Variants in B4GALT6 observed in about 807,000 individuals in gnomAD.
B4GALT6 encodes the protein UDP-Gal:beta-GlcNAc beta-1,4-galactosyltransferase 6.
B4GALT6 carries 14 observed loss-of-function variants against 46.3 expected under a neutral mutation model. The observed-to-expected ratio is 0.30, with a 90% confidence interval of 0.20 to 0.47. The LOEUF is 0.47. Ranked by LOEUF, B4GALT6 falls within the 20% of genes least tolerant of loss-of-function variation. The probability of loss-of-function intolerance (pLI) is 0.99; values close to 1 mark genes in which losing one functional copy is unlikely to be tolerated. For missense variants in B4GALT6, 386 were observed against 480.1 expected, an observed-to-expected ratio of 0.80 and a Z score of 1.83; for synonymous variants, 168 against 162.0, an observed-to-expected ratio of 1.04 and a Z score of -0.28.
the B4GALT6 span, among the ~76,000 whole-genome samples, chr18:31,711,628 C>A: frequency 6.6e-6 from 1 of 152,172 alleles, no homozygotes; most frequent in East Asian, 1.9e-4. Context: ...ATTTCATCAT[C>A]AAGTTTAGTT....
chr18:31,624,425 CAAAAT>C lies in B4GALT6; in HGVS notation c.*1184_*1188del, dbSNP rs559130122. 93 of 151,720 alleles carry C rather than the reference CAAAAT, an allele frequency of 6.1e-4. 1 individual carries two copies. Among genetic ancestry groups the C allele is most frequent in the African/African-American group, 2.1e-3 (86 of 41,428 alleles). The allele number at this position is 151,720 out of a possible 1,614,324, so 9.4% of individuals were successfully genotyped here. Reference sequence around the variant, plus strand: ...TATAATCTCTTAAAAGTGAAAAAAACAAAATATAGTTTGAATGAAACTAACATTCA... The same window carrying C: ...TATAATCTCTTAAAAGTGAAAAAAACATAGTTTGAATGAAACTAACATTCA... On this transcript the variant is annotated 3_prime_UTR_variant, in exon 9 of 9. Coordinates refer to ENST00000306851, the MANE Select transcript of B4GALT6 (RefSeq NM_004775.5).
the B4GALT6 span, among the ~76,000 whole-genome samples, chr18:31,696,035 A>C: frequency 5.3e-4 from 81 of 152,366 alleles, no homozygotes; most frequent in Non-Finnish European, 8.8e-4. Flanking sequence ...AAAACTTCAA[A>C]TGAATTTTAC....
At chr18:31,671,923 A>G (rs1050138242) in intron 1 of B4GALT6, among the ~76,000 whole-genome samples, 3 of 152,266 alleles carry the variant, frequency 2.0e-5, no homozygotes, top group African/African-American at 7.2e-5. Flanking sequence ...AAAAATAGAA[A>G]GAATAAAACC....
the B4GALT6 span, among the ~76,000 whole-genome samples, chr18:31,693,833 C>T: frequency 6.6e-6 from 1 of 151,728 alleles, no homozygotes; most frequent in African/African-American, 2.4e-5. Context: ...CCAGGCATGG[C>T]AGTACACGCC....
At chr18:31,647,068 A>G (rs778776294) in intron 3 of B4GALT6, among the ~76,000 whole-genome samples, 5 of 152,250 alleles carry the variant, frequency 3.3e-5, no homozygotes, top group Non-Finnish European at 7.3e-5. Flanking sequence ...ATAAGTACAG[A>G]CTATCATGAC....
the B4GALT6 span, among the ~76,000 whole-genome samples, chr18:31,704,924 T>C: frequency 2.6e-5 from 4 of 152,200 alleles, no homozygotes; most frequent in Non-Finnish European, 4.4e-5. Context: ...AGTTAAATCT[T>C]TTTTGAGGTA....
intron 1 of B4GALT6, 148 bp downstream of exon 1, chr18:31,684,164 T>C (rs893149558): frequency 2.5e-5 from 33 of 1,331,116 alleles, no homozygotes; most frequent in Middle Eastern, 2.7e-4. Flanking sequence ...CTGAAGCAGT[T>C]TGACACGTCT....
intron 2 of B4GALT6, among the ~76,000 whole-genome samples, 180 bp downstream of exon 2, chr18:31,666,076 G>T (rs910485811): frequency 6.6e-6 from 1 of 152,148 alleles, no homozygotes; most frequent in African/African-American, 2.4e-5. Flanking sequence ...GTGACCACAC[G>T]TTCATACATC....
At chr18:31,657,202 C>T (rs930513050) in intron 3 of B4GALT6, among the ~76,000 whole-genome samples, 1 of 151,588 alleles carries the variant, frequency 6.6e-6, no homozygotes, top group Admixed American at 6.6e-5. Flanking sequence ...GTTCTTTATA[C>T]CAAAATATAT....
intron 1 of B4GALT6, among the ~76,000 whole-genome samples, chr18:31,674,477 A>G (rs2074393778): frequency 6.6e-6 from 1 of 152,224 alleles, no homozygotes; most frequent in Non-Finnish European, 1.5e-5. Flanking sequence ...GATTTCCCAT[A>G]TTATCTACGG....
chr18:31,708,479 T>A, the B4GALT6 span, among the ~76,000 whole-genome samples: 1 of 152,030 alleles, frequency 6.6e-6, no homozygotes, highest in Non-Finnish European at 1.5e-5. Flanking sequence ...GCAGGATAAT[T>A]GCTTGAACCC....
the B4GALT6 span, among the ~76,000 whole-genome samples, chr18:31,708,639 A>G: frequency 6.6e-6 from 1 of 152,184 alleles, no homozygotes; most frequent in Non-Finnish European, 1.5e-5. Flanking sequence ...GAAAATAGAA[A>G]AAGTAGAAAG....
chr18:31,703,216 G>GA, the B4GALT6 span, among the ~76,000 whole-genome samples: 1 of 152,062 alleles, frequency 6.6e-6, no homozygotes, highest in African/African-American at 2.4e-5. Context: ...AAAAGAGGGG[G>GA]AAAAAACAAT....
At chr18:31,710,841 C>CACACACACACACACACAT in the B4GALT6 span, among the ~76,000 whole-genome samples, 1 of 151,896 alleles carries the variant, frequency 6.6e-6, no homozygotes, top group African/African-American at 2.4e-5. Context: ...CACACACACA[C>CACACACACACACACACAT]ACACACACTA....
At chr18:31,695,272 C>A in the B4GALT6 span, among the ~76,000 whole-genome samples, 1 of 146,786 alleles carries the variant, frequency 6.8e-6, no homozygotes. Flanking sequence ...ATAGTTCTGC[C>A]ACTTCTCCTC....
chr18:31,635,651 T>C (rs901128821), intron 5 of B4GALT6, among the ~76,000 whole-genome samples: 1 of 151,942 alleles, frequency 6.6e-6, no homozygotes, highest in Non-Finnish European at 1.5e-5. Context: ...GAATAAAAAT[T>C]TGAGTATTTT....
rs1049861687 is a variant in B4GALT6, at chr18:31,622,907, T to C, written c.*2707A>G. 3 of 152,062 alleles carry C rather than the reference T, an allele frequency of 2.0e-5. No individual in the cohort carries two copies. Among genetic ancestry groups the C allele is most frequent in the African/African-American group, 7.2e-5 (3 of 41,442 alleles). The allele number at this position is 152,062 out of a possible 1,614,324, so 9.4% of individuals were successfully genotyped here. A position where few individuals can be genotyped will look rare whatever the true frequency, so the allele number is the denominator to read the frequency against. On this transcript the variant is annotated 3_prime_UTR_variant, in exon 9 of 9. Transcript: ENST00000306851. ...TTCTTTCTGTAGTTGAAAAGCACCA[T>C]GTAATTTTCCCAGTTAGTGCCATAG...
chr18:31,664,561 G>A (rs1186212042), intron 2 of B4GALT6, among the ~76,000 whole-genome samples: 3 of 146,522 alleles, frequency 2.0e-5, no homozygotes, highest in Non-Finnish European at 4.5e-5. Flanking sequence ...AGGATACTAT[G>A]GGGAAAGATT....
At chr18:31,680,613 T>A (rs1459263600) in intron 1 of B4GALT6, among the ~76,000 whole-genome samples, 2 of 152,162 alleles carry the variant, frequency 1.3e-5, no homozygotes, top group Non-Finnish European at 2.9e-5. Context: ...GGGCTTCTGG[T>A]GAGTCAAATG....
Sources: allele counts gnomAD v4.1 joint callset (sites outside exome capture counted in the v4.1 genomes callset), GRCh38; gene constraint gnomAD v4.1.1; transcripts MANE v1.5; gene names NCBI Gene and HGNC (gene_info 2026-07-23, HGNC 2026-07-21).